SLC13A1: variants seen among roughly 807,000 people sequenced by gnomAD.
SLC13A1 encodes the protein solute carrier family 13 member 1.
In SLC13A1, 65 loss-of-function variants were observed where a neutral mutation model predicts 70.0. The observed-to-expected ratio is 0.93, with a 90% CI of 0.76 to 1.14. SLC13A1 has a LOEUF of 1.14. Among genes scored for constraint, SLC13A1 ranks in the 50% most tolerant of loss-of-function variants. SLC13A1 has a pLI of 0.00. For synonymous variants in SLC13A1, 275 were observed against 250.5 expected (o/e 1.10, Z -0.92); for missense variants, 726 against 717.8 (o/e 1.01, Z -0.13).
chr7:123,119,509 T>C (rs180725071), intron 12 of SLC13A1, among the ~76,000 whole-genome samples: 1 of 152,082 alleles, frequency 6.6e-6, no homozygotes, highest in Admixed American at 6.6e-5. Flanking sequence ...TTTATCTAAT[T>C]TATATATGTG....
At chr7:123,190,054 T>G (rs1356055863) in intron 1 of SLC13A1, among the ~76,000 whole-genome samples, 1 of 152,188 alleles carries the variant, frequency 6.6e-6, no homozygotes, top group African/African-American at 2.4e-5. Context: ...AATGATTCTC[T>G]CACTTAAAGA....
At position 123,192,673 on chromosome 7, in the gene SLC13A1, A is replaced by G. The variant is rs571706477; in HGVS notation, c.99+7175T>C. Among the ~76,000 whole-genome samples, 7 of 152,234 alleles carry G rather than the reference A, an allele frequency of 4.6e-5. No homozygotes were observed. The East Asian group carries it at 1.4e-3, about 30-fold the overall frequency. On this transcript the variant is annotated intron_variant, in intron 1 of 14. Transcript: ENST00000194130. Reference sequence around the variant, plus strand: ...ACAAAGCAATTAAAAAAGGAGAAAAATCATGCATTCTAAATCTCTGTGCTA... The same window carrying G: ...ACAAAGCAATTAAAAAAGGAGAAAAGTCATGCATTCTAAATCTCTGTGCTA...
rs12673670 is a variant in SLC13A1, at chr7:123,113,994, G to A, written c.*1524C>T. On this transcript the variant is annotated 3_prime_UTR_variant, in exon 15 of 15. Coordinates refer to ENST00000194130, the MANE Select transcript of SLC13A1 (RefSeq NM_022444.4). Reference sequence around the variant, plus strand: ...TAGCAAAGGTTTGGCTGAGGCAGGAGAATGGCGTGAACCTGGGAGGCGGAG... The same window carrying A: ...TAGCAAAGGTTTGGCTGAGGCAGGAAAATGGCGTGAACCTGGGAGGCGGAG... The A allele has an allele frequency of 0.23, 33,790 of 145,146 alleles. 4,643 individuals carry two copies. The highest frequency in any genetic ancestry group is 0.36 in the East Asian group (1,743 of 4,846). The allele number at this position is 145,146 out of a possible 1,614,324, so 9.0% of individuals were successfully genotyped here. A position where few individuals can be genotyped will look rare whatever the true frequency, so the allele number is the denominator to read the frequency against.
intron 10 of SLC13A1, among the ~76,000 whole-genome samples, chr7:123,128,569 T>C (rs1185525056): frequency 1.3e-5 from 2 of 152,074 alleles, no homozygotes; most frequent in Non-Finnish European, 2.9e-5. Flanking sequence ...GGGAATAATT[T>C]TGTAGGGATG....
chr7:123,192,537 T>A (rs1230565046), intron 1 of SLC13A1, among the ~76,000 whole-genome samples: 1 of 152,150 alleles, frequency 6.6e-6, no homozygotes, highest in African/African-American at 2.4e-5. Context: ...TAGGGAGTAA[T>A]TTGGCTGATG....
At chr7:123,189,844 A>C (rs950706766) in intron 1 of SLC13A1, among the ~76,000 whole-genome samples, 3 of 152,044 alleles carry the variant, frequency 2.0e-5, no homozygotes, top group Non-Finnish European at 2.9e-5. Context: ...TTTAATCTGA[A>C]GTCTCATTCC....
rs1322198701 is a variant in SLC13A1, at chr7:123,181,078, G to A, written c.123C>T (p.Leu41=). The change falls in exon 2 of 15, where the codon CTC becomes CTT. Residue 41 remains leucine (L), a synonymous_variant. Coordinates refer to ENST00000194130, the MANE Select transcript of SLC13A1 (RefSeq NM_022444.4). ...TGAGCCAAAATGTGGCGACCACAAA[G>A]AGTGTGTAGGCACATTCTGCTTCCT... The part of the protein sequence containing the change: ...HTKEAECAYT[L]FVVATFWLTE... 7 of 1,612,566 alleles carry A rather than the reference G, an allele frequency of 4.3e-6. No homozygotes were observed. The highest frequency in any genetic ancestry group is 5.1e-6 in the Non-Finnish European group (6 of 1,178,984).
intron 6 of SLC13A1, among the ~76,000 whole-genome samples, chr7:123,163,746 A>G (rs550116982): frequency 6.6e-6 from 1 of 152,140 alleles, no homozygotes; most frequent in South Asian, 2.1e-4. Flanking sequence ...TTTTTAAAGC[A>G]GCCAAAAATA....
rs777877837 is a variant in SLC13A1 at position 123,134,470 on chromosome 7, G to T, written c.872C>A (p.Ala291Asp). The change falls in exon 8 of 15, where the codon GCT (alanine) becomes GAT (aspartate). Residue 291 changes from alanine (A) to aspartate (D), a missense_variant. Transcript: ENST00000194130. ...FGSWFTFSFP[A>D]ALIILLLSWI... ...GGATAAGAGTAGAATGATAAGGGCA[G>T]CTGGGAAGGAAAACGTAAACCATGA... The T allele has an allele frequency of 6.2e-7, 1 of 1,613,198 alleles. No homozygotes were observed. Among genetic ancestry groups the T allele is most frequent in the Non-Finnish European group, 8.5e-7 (1 of 1,179,242 alleles).
intron 1 of SLC13A1, among the ~76,000 whole-genome samples, chr7:123,197,827 G>T (rs566132651): frequency 3.3e-5 from 5 of 152,172 alleles, no homozygotes; most frequent in South Asian, 4.1e-4. Context: ...ACTTCCCAGT[G>T]AATGAATCAT....
intron 12 of SLC13A1, 104 bp downstream of exon 12, chr7:123,123,022 A>C: frequency 1.1e-6 from 1 of 930,348 alleles, no homozygotes. Flanking sequence ...TTGCAACATT[A>C]AAATGACAGA....
chr7:123,117,714 C>G, intron 13 of SLC13A1, 106 bp from the exon 14 acceptor site: 1 of 561,020 alleles, frequency 1.8e-6, no homozygotes, highest in Non-Finnish European at 3.1e-6. Context: ...CATGTTGGAA[C>G]CTAATGATAT....
chr7:123,184,273 T>C (rs1795729703), intron 1 of SLC13A1, among the ~76,000 whole-genome samples: 1 of 152,280 alleles, frequency 6.6e-6, no homozygotes, highest in Non-Finnish European at 1.5e-5. Flanking sequence ...ATTATTATCT[T>C]TGTGCTGAGA....
At chr7:123,157,494 A>G (rs995007753) in intron 6 of SLC13A1, among the ~76,000 whole-genome samples, 3 of 152,216 alleles carry the variant, frequency 2.0e-5, no homozygotes, top group African/African-American at 7.2e-5. Context: ...ATTAAATCCA[A>G]TATTTACTTA....
rs978660519 is a variant in SLC13A1, at chr7:123,164,413, A to G, written c.660+3961T>C. Among the ~76,000 whole-genome samples the G allele has an allele frequency of 5.3e-5, 8 of 152,102 alleles. No homozygotes were observed. In the East Asian group the frequency reaches 1.5e-3, roughly 29 times the overall value. ...TTGATCAGCTTAGATTAATTTAATT[A>G]TATTAGTAAAGAGATTTTAATTAAA... On this transcript the variant is annotated intron_variant, in intron 6 of 14. Transcript: ENST00000194130.
Position 123,188,580 on chromosome 7 carries a change from T to G in SLC13A1, c.100-7479A>C, listed in dbSNP as rs183587899. 9.6e-3 allele frequency among the ~76,000 whole-genome samples: 1,463 copies of G among 152,246 alleles called. 24 individuals carry two copies. The highest frequency in any genetic ancestry group is 0.033 in the African/African-American group (1,364 of 41,564). ...TGTTTCTCTTCTGTAAATTATATAT[T>G]TATAGTTCTTTTTCATTTTTCTGTT... is the stretch of plus-strand genomic sequence containing the variant. On this transcript the variant is annotated intron_variant, in intron 1 of 14. Coordinates refer to ENST00000194130, the MANE Select transcript of SLC13A1 (RefSeq NM_022444.4).
chr7:123,181,203 C>A, intron 1 of SLC13A1, 102 bp from the exon 2 acceptor site: 2 of 1,285,912 alleles, frequency 1.6e-6, no homozygotes, highest in Non-Finnish European at 2.1e-6. Flanking sequence ...TCACAGAGAA[C>A]GTAAGAAGAT....
chr7:123,174,592 T>C (rs953522383), intron 2 of SLC13A1, among the ~76,000 whole-genome samples: 2 of 152,150 alleles, frequency 1.3e-5, no homozygotes, highest in African/African-American at 4.8e-5. Context: ...GATCGATCTT[T>C]TTCTGATCCA....
chr7:123,122,996 G>A, intron 12 of SLC13A1, 130 bp downstream of exon 12: 2 of 686,662 alleles, frequency 2.9e-6, no homozygotes, highest in African/African-American at 1.7e-5. Context: ...TATATTCACT[G>A]CATAGCTAGC....
Sources: allele counts gnomAD v4.1 joint callset (sites outside exome capture counted in the v4.1 genomes callset), GRCh38; gene constraint gnomAD v4.1.1; transcripts MANE v1.5; gene names NCBI Gene and HGNC (gene_info 2026-07-23, HGNC 2026-07-21).